The following ARHGAP45 variants were observed in gnomAD, a reference collection of about 807,000 sequenced individuals.
ARHGAP45 encodes Rho GTPase activating protein 45.
ARHGAP45 carries 56 observed loss-of-function variants against 116.1 expected under a neutral mutation model. The ratio of observed to expected loss-of-function variants is 0.48; its 90% CI spans 0.39 to 0.60. The LOEUF (loss-of-function observed/expected upper bound fraction) is 0.60. ARHGAP45 is among the 20% of genes least tolerant of loss of function. The pLI is 0.00. For missense variants in ARHGAP45, 1,622 were observed against 1,601.0 expected (o/e 1.01, Z -0.22); for synonymous variants, 866 against 701.7 (o/e 1.23, Z -3.70).
chr19:1,076,483 CTTTTTTTTT>C (rs71174343), intron 10 of ARHGAP45, among the ~76,000 whole-genome samples: 1,324 of 64,892 alleles, frequency 0.02, 19 homozygotes, highest in African/African-American at 0.073. Flanking sequence ...TGGCAGTAGT[CTTTTTTTTT>C]TTTTTTTTTT....
intron 1 of ARHGAP45, chr19:1,067,805 A>G (rs2043066915): frequency 1.6e-6 from 1 of 613,796 alleles, no homozygotes; most frequent in African/African-American, 1.9e-5. Flanking sequence ...TTGGGGGCTT[A>G]GGCAATCTGG....
rs897604836 is a variant in ARHGAP45 at position 1,078,145 on chromosome 19, T to G, written c.1374+100T>G. The G allele has an allele frequency of 6.2e-6, 9 of 1,453,806 alleles. No individual in the cohort carries two copies. The Admixed American group carries it at 1.6e-4, about 25-fold the overall frequency. The allele number at this position is 1,453,806 out of a possible 1,614,324, so 90.1% of individuals were successfully genotyped here. A position where few individuals can be genotyped will look rare whatever the true frequency, so the allele number is the denominator to read the frequency against. On this transcript the variant is annotated intron_variant, in intron 11 of 22. Coordinates refer to ENST00000313093, the MANE Select transcript of ARHGAP45 (RefSeq NM_012292.5). ...CCAGACCTTTGTTTTTGTTTTTTTGTTTTTTTGTTTGTTTTTGAGACGGAG... is the reference window on the plus strand; with the variant it reads ...CCAGACCTTTGTTTTTGTTTTTTTGGTTTTTTGTTTGTTTTTGAGACGGAG...
rs1396470258 is a variant in ARHGAP45 at position 1,069,054 on chromosome 19, T to C, written c.421+310T>C. Among the ~76,000 whole-genome samples the C allele has an allele frequency of 1.3e-5, 2 of 151,992 alleles. No individual in the cohort carries two copies. The highest frequency in any genetic ancestry group is 2.9e-5 in the Non-Finnish European group (2 of 67,988). On this transcript the variant is annotated intron_variant, in intron 2 of 22. Transcript: ENST00000313093. The surrounding 1 kb of genome is among the most constrained non-coding windows in gnomAD (Gnocchi z 4.1). ...GAAACACGGAAACAGAGAATGCATTTGGGGGCCAAGGTGTGGGGTGCCGCT... is the reference window on the plus strand; with the variant it reads ...GAAACACGGAAACAGAGAATGCATTCGGGGGCCAAGGTGTGGGGTGCCGCT...
upstream of ARHGAP45, among the ~76,000 whole-genome samples, chr19:1,066,930 T>A (rs1242754898): frequency 1.3e-5 from 2 of 152,024 alleles, no homozygotes; most frequent in South Asian, 4.1e-4. Flanking sequence ...CTTGGTGGCG[T>A]CTGAGCGCGT....
rs770903131 is a variant in ARHGAP45 at position 1,084,235 on chromosome 19, C to T, written c.2956-3C>T. On this transcript the variant is annotated splice_polypyrimidine_tract_variant and splice_region_variant and intron_variant, in intron 21 of 22. Coordinates refer to ENST00000313093, the MANE Select transcript of ARHGAP45 (RefSeq NM_012292.5). ...CTCTATGACTTCCGTTCTGCACTTG[C>T]AGGACGAGTCATCCAACCAGCGAGC... 7 of 1,613,216 alleles carry T rather than the reference C, an allele frequency of 4.3e-6. 1 individual carries two copies. Among genetic ancestry groups the T allele is most frequent in the African/African-American group, 2.7e-5 (2 of 74,988 alleles).
chr19:1,085,449 GTC>G (rs767721737), intron 22 of ARHGAP45, among the ~76,000 whole-genome samples: 19 of 151,274 alleles, frequency 1.3e-4, no homozygotes, highest in African/African-American at 2.2e-4. Flanking sequence ...TTCTCCCCTT[GTC>G]TCTCTCTCCT....
In ARHGAP45 at chr19:1,068,373, C is replaced by T. The variant is rs1008910944; in HGVS notation, c.91-41C>T. On this transcript the variant is annotated intron_variant, in intron 1 of 22. Coordinates refer to ENST00000313093, the MANE Select transcript of ARHGAP45 (RefSeq NM_012292.5). The surrounding 1 kb of genome is among the most constrained non-coding windows in gnomAD (Gnocchi z 7.5). ...GGGGAAACTGAGGCCGTGTCCAGGC[C>T]GGAAAATCCCTTTAACGAGCTCCCC... 1.5e-5 allele frequency: 22 copies of T among 1,458,928 alleles called. No individual in the cohort carries two copies. Among genetic ancestry groups the T allele is most frequent in the Admixed American group, 1.5e-4 (6 of 39,968 alleles). The allele number at this position is 1,458,928 out of a possible 1,614,324, so 90.4% of individuals were successfully genotyped here.
rs1170278440 is a variant in ARHGAP45 at position 1,081,827 on chromosome 19, A to G, written c.2383A>G (p.Ile795Val). ...CCCCACCCCCGGGCTCCCGCAGGGCATCTACCGGGTCAATGGGGTAAAGAC... is the reference window on the plus strand; with the variant it reads ...CCCCACCCCCGGGCTCCCGCAGGGCGTCTACCGGGTCAATGGGGTAAAGAC... ...IERRALRTKG[I>V]YRVNGVKTRV... The change falls in exon 19 of 23, where the codon ATC becomes GTC. Residue 795 changes from isoleucine to valine, a missense_variant. Transcript: ENST00000313093. The G allele has an allele frequency of 1.2e-6, 2 of 1,608,176 alleles. No homozygotes were observed. Among genetic ancestry groups the G allele is most frequent in the Non-Finnish European group, 1.7e-6 (2 of 1,177,790 alleles).
Position 1,085,662 on chromosome 19 carries a change from T to C in ARHGAP45, c.3067T>C (p.Ser1023Pro). Residue 1023 changes from serine to proline, a missense_variant and splice_region_variant, in exon 23 of 23, where the codon TCC becomes CCC. Ser to Pro is a moderately conservative substitution (Grantham distance 74, BLOSUM62 -1). Coordinates refer to ENST00000313093, the MANE Select transcript of ARHGAP45 (RefSeq NM_012292.5). The stretch of plus-strand genomic sequence containing the variant: ...CGCCATCTGTCTCCCTTTCTTAGAA[T>C]CCCGAGTTGTGTCCAACGATTCGGA... ...QEAAADGCRE[S>P]RVVSNDSDSD... 6.4e-7 allele frequency: 1 copy of C among 1,555,198 alleles called. No homozygotes were observed. Among genetic ancestry groups the C allele is most frequent in the Middle Eastern group, 1.7e-4 (1 of 5,836 alleles).
Position 1,086,338 on chromosome 19 carries a change from A to G in ARHGAP45, c.*332A>G, listed in dbSNP as rs2043650147. On this transcript the variant is annotated 3_prime_UTR_variant, in exon 23 of 23. Coordinates refer to ENST00000313093, the MANE Select transcript of ARHGAP45 (RefSeq NM_012292.5). ...GCTGTCCCTGCCCAGTGCATCCCCC[A>G]GGTCATCACGGGGACGCAGGAGGCA... 1 of 279,026 alleles carries G rather than the reference A, an allele frequency of 3.6e-6. No homozygotes were observed. Among genetic ancestry groups the G allele is most frequent in the Non-Finnish European group, 6.9e-6 (1 of 144,586 alleles). 17.3% of individuals were successfully genotyped at this position (279,026 alleles called of 1,614,324 possible). A position where few individuals can be genotyped will look rare whatever the true frequency, so the allele number is the denominator to read the frequency against.
chr19:1,067,843 G>A (rs2043067788), intron 1 of ARHGAP45, among the ~76,000 whole-genome samples: 1 of 152,028 alleles, frequency 6.6e-6, no homozygotes, highest in South Asian at 2.1e-4. Flanking sequence ...GAGATGGGAG[G>A]GCTGTGGCCT....
At position 1,074,146 on chromosome 19, in the gene ARHGAP45, G is replaced by C. The variant is rs1302946956; in HGVS notation, c.833G>C (p.Cys278Ser). Reference protein sequence around the residue: ...AEEVDVLLQRCEGGVDAALLY... With the variant: ...AEEVDVLLQRSEGGVDAALLY... ...GAGGTGGACGTGCTGCTACAGCGCT[G>C]TGAGGGGGGCGTGGATGCCGCACTG... The change falls in exon 7 of 23, where the codon TGT becomes TCT. Residue 278 changes from cysteine (C) to serine (S), a missense_variant. By Grantham distance (112) the Cys-to-Ser change is moderately radical. Around this residue, in one of 3 missense-constraint regions of ARHGAP45, gnomAD observed 1,334 missense variants for 1,263.8 expected, o/e 1.06. Transcript: ENST00000313093. 1.2e-6 allele frequency: 2 copies of C among 1,613,296 alleles called. No individual in the cohort carries two copies. The highest frequency in any genetic ancestry group is 1.3e-5 in the African/African-American group (1 of 74,934).
rs1027590699 is a variant in ARHGAP45, at chr19:1,079,603, C to T, written c.1375-100C>T. The stretch of plus-strand genomic sequence containing the variant: ...AGTCTCCCACTGTGGCCTCCCGAGG[C>T]GCTGGGATGACAGGCGTCAGCCCCG... On this transcript the variant is annotated intron_variant, in intron 11 of 22. Coordinates refer to ENST00000313093, the MANE Select transcript of ARHGAP45 (RefSeq NM_012292.5). 103 of 1,467,924 alleles carry T rather than the reference C, an allele frequency of 7.0e-5. No individual in the cohort carries two copies. The South Asian group carries it at 1.2e-3, about 17-fold the overall frequency. 90.9% of individuals were successfully genotyped at this position (1,467,924 alleles called of 1,614,324 possible). A position where few individuals can be genotyped will look rare whatever the true frequency, so the allele number is the denominator to read the frequency against.
In ARHGAP45 at chr19:1,080,496, C is replaced by A; in HGVS notation, c.1861C>A (p.Pro621Thr). The A allele has an allele frequency of 6.2e-7, 1 of 1,612,964 alleles. No homozygotes were observed. Among genetic ancestry groups the A allele is most frequent in the Non-Finnish European group, 8.5e-7 (1 of 1,179,986 alleles). ...AGGACACCAGGTTCACAAGTCATGG[C>A]CGCTCTCGATCTCAGACTCGGACAG... ...GRGHQVHKSW[P>T]LSISDSDSGL... The change falls in exon 15 of 23, where the codon CCG becomes ACG. Residue 621 changes from proline (P) to threonine (T), a missense_variant. Around this residue, in one of 3 missense-constraint regions of ARHGAP45, gnomAD observed 1,334 missense variants for 1,263.8 expected, o/e 1.06. Transcript: ENST00000313093.
In ARHGAP45 at chr19:1,080,683, G is replaced by A. The variant is rs764713521; in HGVS notation, c.1914G>A (p.Gly638=). 2.5e-6 allele frequency: 4 copies of A among 1,613,214 alleles called. No individual in the cohort carries two copies. Among genetic ancestry groups the A allele is most frequent in the Non-Finnish European group, 3.4e-6 (4 of 1,179,872 alleles). The change falls in exon 16 of 23, where the codon GGG becomes GGA. Residue 638 remains glycine, a splice_region_variant and synonymous_variant. Coordinates refer to ENST00000313093, the MANE Select transcript of ARHGAP45 (RefSeq NM_012292.5). ...TGAACAGTCCTGATTCCCGCCCAGG[G>A]GACTTTAAGAAGTTCGAGCGGACGT... ...DSGLDPGPGA[G]DFKKFERTSS... is the part of the protein sequence containing the mutation.
Position 1,079,969 on chromosome 19 carries a change from GC to G in ARHGAP45, c.1556del (p.Pro519ArgfsTer63). 1 of 1,612,588 alleles carries G rather than the reference GC, an allele frequency of 6.2e-7. No individual in the cohort carries two copies. The highest frequency in any genetic ancestry group is 8.5e-7 in the Non-Finnish European group (1 of 1,179,676). On this transcript the variant is annotated frameshift_variant, in exon 13 of 23. Transcript: ENST00000313093. LOFTEE classifies it high-confidence loss of function. ...ACCAGATGATGCATATGCAGACGGC[GC>G]CGCTGCCCGTGCACTTCCAGATGCT... ...YYQMMHMQTA[P>X]LPVHFQMLCE...
intron 1 of ARHGAP45, 26 bp downstream of exon 1, chr19:1,067,521 G>A (rs747378847): frequency 6.4e-7 from 1 of 1,570,284 alleles, no homozygotes; most frequent in East Asian, 2.3e-5. Context: ...GTGAGACCCG[G>A]AGCTGACGCC....
intron 18 of ARHGAP45, 38 bp from the exon 19 acceptor site, chr19:1,081,786 C>A: frequency 1.3e-6 from 2 of 1,580,978 alleles, no homozygotes; most frequent in South Asian, 1.1e-5. Context: ...GGGAGTGGGC[C>A]GAGGCTGATG....
chr19:1,074,272 T>A, intron 7 of ARHGAP45, 31 bp downstream of exon 7: 1 of 1,612,152 alleles, frequency 6.2e-7, no homozygotes, highest in Non-Finnish European at 8.5e-7. Flanking sequence ...AGGGTGGGTC[T>A]GGAGGGAGGG....
Sources: allele counts gnomAD v4.1 joint callset (sites outside exome capture counted in the v4.1 genomes callset), GRCh38; gene constraint gnomAD v4.1.1; regional missense constraint gnomAD v4.1.1; non-coding constraint Gnocchi (gnomAD v3.1); transcripts MANE v1.5; gene names NCBI Gene and HGNC (gene_info 2026-07-23, HGNC 2026-07-21).